LAMB4: variants seen among roughly 807,000 people sequenced by gnomAD.
LAMB4 encodes the protein laminin subunit beta 4.
In LAMB4, 196 loss-of-function variants were observed where a neutral mutation model predicts 199.2. The observed-to-expected ratio is 0.98, with a 90% CI of 0.88 to 1.11. The LOEUF is 1.11. Among genes scored for constraint, LAMB4 ranks in the 50% least tolerant of loss-of-function variants. LAMB4 has a pLI of 0.00. For missense variants in LAMB4, 2,080 were observed against 2,171.2 expected (o/e 0.96, Z 0.83); for synonymous variants, 744 against 770.6 (o/e 0.97, Z 0.57).
intron 3 of LAMB4, among the ~76,000 whole-genome samples, chr7:108,115,311 A>G (rs2038367604): frequency 6.6e-6 from 1 of 152,240 alleles, no homozygotes; most frequent in South Asian, 2.1e-4. Context: ...CTGCATCTGC[A>G]AGTTCCATAT....
chr7:108,079,721 G>A lies in LAMB4; in HGVS notation c.1767C>T (p.Asn589=). 1 of 1,611,158 alleles carries A rather than the reference G, an allele frequency of 6.2e-7. No individual in the cohort carries two copies. Among genetic ancestry groups the A allele is most frequent in the Non-Finnish European group, 8.5e-7 (1 of 1,178,948 alleles). Residue 589 remains asparagine (N), a synonymous_variant, in exon 15 of 34, where the codon AAC becomes AAT. Coordinates refer to ENST00000388781, the MANE Select transcript of LAMB4 (RefSeq NM_007356.3). ...HVVLGEPVPG[N]PVTWTGPGFA... is the part of the protein sequence containing the mutation. ...ATCCAGGTCCAGTCCATGTAACAGGGTTCCCAGGAACTGGCTCTCCTAAAA... is the reference window on the plus strand; with the variant it reads ...ATCCAGGTCCAGTCCATGTAACAGGATTCCCAGGAACTGGCTCTCCTAAAA...
chr7:108,088,470 C>G (rs1412018520), intron 14 of LAMB4, among the ~76,000 whole-genome samples: 1 of 152,094 alleles, frequency 6.6e-6, no homozygotes, highest in Non-Finnish European at 1.5e-5. Flanking sequence ...GGCCTAACAT[C>G]TTAAAAAGAA....
chr7:108,101,959 T>C (rs1584754931), intron 10 of LAMB4, among the ~76,000 whole-genome samples: 1 of 152,212 alleles, frequency 6.6e-6, no homozygotes, highest in African/African-American at 2.4e-5. Flanking sequence ...CAAAACCAAG[T>C]GTCGGCAAGG....
At position 108,105,811 on chromosome 7, in the gene LAMB4, A is replaced by T. The variant is rs565639365; in HGVS notation, c.870+6T>A. ...AGCCCACTGTTCTTTTGGATTAATA[A>T]CTCACCATTCCAGGAGGGCTGAAAA... On this transcript the variant is annotated splice_donor_region_variant and intron_variant, in intron 8 of 33. Coordinates refer to ENST00000388781, the MANE Select transcript of LAMB4 (RefSeq NM_007356.3). 5 of 1,613,626 alleles carry T rather than the reference A, an allele frequency of 3.1e-6. No individual in the cohort carries two copies. Among genetic ancestry groups the T allele is most frequent in the East Asian group, 4.5e-5 (2 of 44,876 alleles).
chr7:108,073,930 G>T (rs1239222765), intron 17 of LAMB4, among the ~76,000 whole-genome samples: 1 of 152,166 alleles, frequency 6.6e-6, no homozygotes, highest in South Asian at 2.1e-4. Flanking sequence ...TGGTCCAGGG[G>T]TTTATGCACT....
intron 19 of LAMB4, 143 bp from the exon 20 acceptor site, chr7:108,066,743 T>A: frequency 1.7e-6 from 1 of 592,008 alleles, no homozygotes; most frequent in South Asian, 2.2e-5. Context: ...CAGCATATAA[T>A]GAGTTCCAGG....
At chr7:108,043,487 C>A (rs914230212) in intron 29 of LAMB4, among the ~76,000 whole-genome samples, 1 of 141,874 alleles carries the variant, frequency 7.0e-6, no homozygotes, top group South Asian at 2.4e-4. Flanking sequence ...AAGGGTATAT[C>A]ATTTTTCTGA....
At position 108,068,086 on chromosome 7, in the gene LAMB4, A is replaced by G; in HGVS notation, c.2376T>C (p.Pro792=). 1.9e-6 allele frequency: 3 copies of G among 1,614,152 alleles called. No homozygotes were observed. The South Asian group carries it at 3.3e-5, about 18-fold the overall frequency. Residue 792 remains proline (P), a synonymous_variant, in exon 19 of 34, where the codon CCT becomes CCC. Coordinates refer to ENST00000388781, the MANE Select transcript of LAMB4 (RefSeq NM_007356.3). ...TGTCACAGCAGCGCCCGACCACAAG[A>G]GGTTTACACTGGCACTGGCCTCCAA... is the stretch of plus-strand genomic sequence containing the variant. ...SRLGGQCQCK[P]LVVGRCCDRC...
the LAMB4 span, among the ~76,000 whole-genome samples, chr7:108,015,101 A>T: frequency 6.6e-6 from 1 of 152,174 alleles, no homozygotes; most frequent in Non-Finnish European, 1.5e-5. Flanking sequence ...GCTTCTTTAC[A>T]CTGATCTGTA....
At chr7:108,121,633 C>G (rs2038601946) in intron 2 of LAMB4, among the ~76,000 whole-genome samples, 1 of 151,844 alleles carries the variant, frequency 6.6e-6, no homozygotes, top group Non-Finnish European at 1.5e-5. Flanking sequence ...ACCTGTAATC[C>G]CAGCTACTCG....
chr7:108,084,513 G>A (rs770498158), intron 14 of LAMB4, among the ~76,000 whole-genome samples: 11 of 152,304 alleles, frequency 7.2e-5, no homozygotes, highest in South Asian at 2.1e-4. Context: ...CACGTGAGCA[G>A]AAGAGATATG....
At chr7:108,121,758 A>G (rs886373334) in intron 2 of LAMB4, among the ~76,000 whole-genome samples, 1 of 152,022 alleles carries the variant, frequency 6.6e-6, no homozygotes, top group Non-Finnish European at 1.5e-5. Flanking sequence ...CTTAAAAAAA[A>G]AAAAAAAAGA....
chr7:108,014,624 CGTATAGGAATGTATGATTGCT>C, the LAMB4 span, among the ~76,000 whole-genome samples: 2 of 151,778 alleles, frequency 1.3e-5, no homozygotes, highest in Non-Finnish European at 1.5e-5. Context: ...GTATGATTGC[CGTATAGGAATGTATGATTGCT>C]GTATAGGAAT....
At chr7:108,112,274 C>T (rs2150673923) in intron 3 of LAMB4, among the ~76,000 whole-genome samples, 1 of 151,728 alleles carries the variant, frequency 6.6e-6, no homozygotes, top group East Asian at 1.9e-4. Flanking sequence ...AGAAATAGAC[C>T]TCTTAGAAGG....
chr7:108,081,433 GA>G (rs2036936507), intron 14 of LAMB4, among the ~76,000 whole-genome samples: 1 of 152,214 alleles, frequency 6.6e-6, no homozygotes, highest in African/African-American at 2.4e-5. Context: ...TGTTTTACCT[GA>G]GACCATGTCT....
rs764574034 is a variant in LAMB4 at position 108,078,210 on chromosome 7, G to A, written c.1994C>T (p.Ala665Val). 1.6e-5 allele frequency: 25 copies of A among 1,602,072 alleles called. No individual in the cohort carries two copies. In the South Asian group the frequency reaches 1.7e-4, roughly 11 times the overall value. The change falls in exon 16 of 34, where the codon GCG (alanine) becomes GTG (valine). Residue 665 changes from alanine (A) to valine (V), a missense_variant. Ala to Val is a moderately conservative substitution (Grantham distance 64). Coordinates refer to ENST00000388781, the MANE Select transcript of LAMB4 (RefSeq NM_007356.3). Reference protein sequence around the residue: ...QSKPQSFALPAATRIMLLPTP... With the variant: ...QSKPQSFALPVATRIMLLPTP... ...CCGGTCTGAAACATACCTCGTAGCCGCTGGTAAGGCAAAAGACTGAGGCTT... is the reference window on the plus strand; with the variant it reads ...CCGGTCTGAAACATACCTCGTAGCCACTGGTAAGGCAAAAGACTGAGGCTT...
At chr7:108,083,408 G>T (rs1053954282) in intron 14 of LAMB4, among the ~76,000 whole-genome samples, 1 of 152,176 alleles carries the variant, frequency 6.6e-6, no homozygotes, top group African/African-American at 2.4e-5. Flanking sequence ...GTGAGAACCA[G>T]CCATTCTATG....
At chr7:108,056,034 G>A (rs372305087) in intron 24 of LAMB4, 27 bp from the exon 25 acceptor site, 1 of 1,574,886 alleles carries the variant, frequency 6.3e-7, no homozygotes, top group Non-Finnish European at 8.6e-7. Flanking sequence ...AAGGAGCAGA[G>A]AATGTCACTG....
chr7:108,085,623 T>A (rs1447843784), intron 14 of LAMB4, among the ~76,000 whole-genome samples: 2 of 150,950 alleles, frequency 1.3e-5, no homozygotes, highest in Admixed American at 6.6e-5. Context: ...TATTTATTTA[T>A]TTTTTTTTGA....
Sources: gnomAD v4.1 joint callset for allele counts (sites outside exome capture counted in the v4.1 genomes callset) on GRCh38, gnomAD v4.1.1 for gene constraint, MANE v1.5 for transcripts, NCBI Gene and HGNC (gene_info 2026-07-23, HGNC 2026-07-21) for gene names.